The following PCDHA7 variants were observed in gnomAD, a reference collection of about 807,000 sequenced individuals.
PCDHA7 encodes protocadherin alpha 7.
A neutral mutation model predicts 57.2 loss-of-function variants in PCDHA7; 37 were observed. The ratio of observed to expected loss-of-function variants is 0.65; its 90% CI spans 0.50 to 0.85. The LOEUF (loss-of-function observed/expected upper bound fraction) is 0.85. Ranked by LOEUF, PCDHA7 falls within the 40% of genes least tolerant of loss-of-function variation. The pLI is 0.00. For synonymous variants in PCDHA7, 553 were observed against 558.8 expected (o/e 0.99, Z 0.15); for missense variants, 1,188 against 1,241.8 (o/e 0.96, Z 0.65).
rs1458420006 is a variant in PCDHA7 at position 140,928,100 on chromosome 5, T to A, written c.2356-50849T>A. On this transcript the variant is annotated intron_variant, in intron 1 of 3. Transcript: ENST00000525929. Reference sequence around the variant, plus strand: ...TACAGCCTGCTGATTGATGGGCCCCTGGACCGGGAGCAGATCAGTGAATAC... The same window carrying A: ...TACAGCCTGCTGATTGATGGGCCCCAGGACCGGGAGCAGATCAGTGAATAC... 2.3e-5 allele frequency: 37 copies of A among 1,614,090 alleles called. No individual in the cohort carries two copies. Among genetic ancestry groups the A allele is most frequent in the Non-Finnish European group, 2.9e-5 (34 of 1,180,048 alleles).
intron 1 of PCDHA7, among the ~76,000 whole-genome samples, chr5:140,894,946 A>G (rs1463727802): frequency 6.6e-6 from 1 of 152,206 alleles, no homozygotes; most frequent in African/African-American, 2.4e-5. Flanking sequence ...ATTGTCATGA[A>G]ATGATAAAAA....
rs202184948 is a variant in PCDHA7 at position 140,888,065 on chromosome 5, T to C, written c.2355+51327T>C. 4.6e-5 allele frequency among the ~76,000 whole-genome samples: 7 copies of C among 152,338 alleles called. No homozygotes were observed. The East Asian group carries it at 5.8e-4, about 13-fold the overall frequency. On this transcript the variant is annotated intron_variant, in intron 1 of 3. Transcript: ENST00000525929. Reference sequence around the variant, plus strand: ...TATAATAGATGTTTTAACTTTCTTGTCTGCTAATTTCAACATTTTTGTCCT... The same window carrying C: ...TATAATAGATGTTTTAACTTTCTTGCCTGCTAATTTCAACATTTTTGTCCT...
chr5:140,899,465 T>C (rs1291429349), intron 1 of PCDHA7, among the ~76,000 whole-genome samples: 2 of 152,232 alleles, frequency 1.3e-5, no homozygotes, highest in African/African-American at 4.8e-5. Context: ...GTTTTTGTCT[T>C]TGGTTCTGTT....
At chr5:140,985,104 AT>A (rs2097137151) in intron 3 of PCDHA7, among the ~76,000 whole-genome samples, 1 of 151,914 alleles carries the variant, frequency 6.6e-6, no homozygotes, top group African/African-American at 2.4e-5. Context: ...AGCCTGGCTA[AT>A]TTTTTGTGTT....
At chr5:140,927,511 G>A (rs1563093224) in intron 1 of PCDHA7, 1 of 1,614,120 alleles carries the variant, frequency 6.2e-7, no homozygotes, top group Non-Finnish European at 8.5e-7. Context: ...TACAGCTCGG[G>A]ACGGCGGGCT....
chr5:140,942,115 A>T (rs1440934670), intron 1 of PCDHA7, among the ~76,000 whole-genome samples: 2 of 152,232 alleles, frequency 1.3e-5, no homozygotes, highest in Non-Finnish European at 2.9e-5. Flanking sequence ...ATCAAACTTT[A>T]TTAAAGGTGA....
At chr5:140,890,753 C>G (rs1274674281) in intron 1 of PCDHA7, among the ~76,000 whole-genome samples, 1 of 152,114 alleles carries the variant, frequency 6.6e-6, no homozygotes, top group African/African-American at 2.4e-5. Context: ...TTCTGTCATG[C>G]TTTAAAAATA....
In PCDHA7 at chr5:140,835,865, G is replaced by C; in HGVS notation, c.1482G>C (p.Leu494=). 1.2e-6 allele frequency: 2 copies of C among 1,612,146 alleles called. No individual in the cohort carries two copies. Among genetic ancestry groups the C allele is most frequent in the Non-Finnish European group, 8.5e-7 (1 of 1,179,650 alleles). ...AGAACGCGCTGGTGTCCTACTCGCT[G>C]GTGGAGCTGCGGGTGGGCGAGCGCG... is the stretch of plus-strand genomic sequence containing the variant. The part of the protein sequence containing the change: ...AQKNALVSYS[L]VELRVGERAL... Residue 494 remains leucine (L), a synonymous_variant, in exon 1 of 4, where the codon CTG becomes CTC. Transcript: ENST00000525929.
chr5:140,926,351 C>T (rs1301072681), intron 1 of PCDHA7: 2 of 152,276 alleles, frequency 1.3e-5, no homozygotes, highest in African/African-American at 4.8e-5. Flanking sequence ...CGACGCGCGG[C>T]TCCCAAAGGG....
chr5:140,997,131 C>T (rs577407385), intron 3 of PCDHA7, among the ~76,000 whole-genome samples: 26 of 152,126 alleles, frequency 1.7e-4, no homozygotes, highest in African/African-American at 6.0e-4. Flanking sequence ...ACACAATGCC[C>T]CCACACCCCC....
intron 1 of PCDHA7, chr5:140,851,839 C>A (rs1452848183): frequency 2.1e-6 from 2 of 969,740 alleles, no homozygotes; most frequent in East Asian, 1.1e-4. Context: ...TTAAAAATAT[C>A]TTTTTCTCCT....
intron 1 of PCDHA7, chr5:140,860,501 CA>C (rs2046424429): frequency 6.6e-6 from 1 of 151,970 alleles, no homozygotes; most frequent in Non-Finnish European, 1.5e-5. Context: ...TGTCTACATA[CA>C]AGATAAAACT....
At chr5:140,918,793 A>G (rs155800) in intron 1 of PCDHA7, among the ~76,000 whole-genome samples, 49,687 of 146,416 alleles carry the variant, frequency 0.34, 8,402 homozygotes, top group East Asian at 0.54. Context: ...GACACAGCAA[A>G]AATGTGACAT....
Position 140,836,747 on chromosome 5 carries a change from T to A in PCDHA7, c.2355+9T>A. On this transcript the variant is annotated intron_variant, in intron 1 of 3. Coordinates refer to ENST00000525929, the MANE Select transcript of PCDHA7 (RefSeq NM_018910.3). Reference sequence around the variant, plus strand: ...CATCCTCTACAGACAATGTGAGTCATAAATAATCTTGTTTCCAACAATTTT... The same window carrying A: ...CATCCTCTACAGACAATGTGAGTCAAAAATAATCTTGTTTCCAACAATTTT... The A allele has an allele frequency of 1.9e-6, 3 of 1,587,224 alleles. No homozygotes were observed. Among genetic ancestry groups the A allele is most frequent in the Non-Finnish European group, 2.6e-6 (3 of 1,169,134 alleles).
At chr5:140,848,605 A>G in intron 1 of PCDHA7, 4 of 1,593,610 alleles carry the variant, frequency 2.5e-6, no homozygotes, top group African/African-American at 2.7e-5. Flanking sequence ...TCCGTCCCGG[A>G]GGAAGCCGAA....
In PCDHA7 at chr5:140,852,911, C is replaced by T. The variant is rs2150524968; in HGVS notation, c.2355+16173C>T. The T allele has an allele frequency of 1.1e-4, 89 of 791,740 alleles. 5 individuals are homozygous for T. The highest frequency in any genetic ancestry group is 1.3e-4 in the Non-Finnish European group (82 of 639,880). The allele number at this position is 791,740 out of a possible 1,614,324, so 49.0% of individuals were successfully genotyped here. On this transcript the variant is annotated intron_variant, in intron 1 of 3. Coordinates refer to ENST00000525929, the MANE Select transcript of PCDHA7 (RefSeq NM_018910.3). Reference sequence around the variant, plus strand: ...TTTTTTTTTTTGAGTCAGAGTCTCGCTCTGTTGCCCAGGCTGGAGTGCAGT... The same window carrying T: ...TTTTTTTTTTTGAGTCAGAGTCTCGTTCTGTTGCCCAGGCTGGAGTGCAGT...
chr5:140,875,751 G>A lies in PCDHA7; in HGVS notation c.2355+39013G>A, dbSNP rs781862261. On this transcript the variant is annotated intron_variant, in intron 1 of 3. Transcript: ENST00000525929. ...TTGTGAATTCTCGGATCGACCGCGA[G>A]AAGCTGTGCGGGCGGAGCGCGGAGT... 1.9e-6 allele frequency: 3 copies of A among 1,614,278 alleles called. No individual in the cohort carries two copies. In the South Asian group the frequency reaches 3.3e-5, roughly 18 times the overall value.
At chr5:141,008,108 T>C (rs2098361480) in intron 3 of PCDHA7, among the ~76,000 whole-genome samples, 1 of 152,138 alleles carries the variant, frequency 6.6e-6, no homozygotes, top group Non-Finnish European at 1.5e-5. Flanking sequence ...CTCATGAGAA[T>C]AAGTGTTTCA....
At chr5:140,928,699 G>A in intron 1 of PCDHA7, 3 of 1,614,170 alleles carry the variant, frequency 1.9e-6, no homozygotes, top group Non-Finnish European at 2.5e-6. Flanking sequence ...CATCTCCCGG[G>A]CGTCTGACTC....
Sources: allele counts gnomAD v4.1 joint callset (sites outside exome capture counted in the v4.1 genomes callset), GRCh38; gene constraint gnomAD v4.1.1; transcripts MANE v1.5; gene names NCBI Gene and HGNC (gene_info 2026-07-23, HGNC 2026-07-21).